The following ZMYND8 variants were observed in gnomAD, a reference collection of about 807,000 sequenced individuals.
ZMYND8 encodes the protein zinc finger MYND-type containing 8, also known as MYND-type zinc finger-containing chromatin reader ZMYND8.
A neutral mutation model predicts 140.8 loss-of-function variants in ZMYND8; 37 were observed. The observed-to-expected ratio is 0.26, with a 90% CI of 0.20 to 0.35. The LOEUF (loss-of-function observed/expected upper bound fraction) is 0.35, where lower values mean the gene tolerates loss of function less well. ZMYND8 is among the 10% of genes least tolerant of loss of function. ZMYND8 has a pLI of 1.00. For synonymous variants in ZMYND8, 592 were observed against 597.1 expected (o/e 0.99, Z 0.12); for missense variants, 1,068 against 1,570.0 (o/e 0.68, Z 5.40).
At chr20:47,297,481 G>A (rs749503086) in intron 4 of ZMYND8, among the ~76,000 whole-genome samples, 5 of 151,860 alleles carry the variant, frequency 3.3e-5, no homozygotes, top group African/African-American at 4.8e-5. Flanking sequence ...GAATACAGTG[G>A]CATGATTACA....
intron 2 of ZMYND8, among the ~76,000 whole-genome samples, chr20:47,310,891 G>C (rs1057082972): frequency 2.0e-5 from 3 of 150,876 alleles, no homozygotes; most frequent in Non-Finnish European, 4.4e-5. Context: ...ATGTGCAATC[G>C]CCACTCTTCC....
chr20:47,347,712 C>T (rs2148597438), intron 2 of ZMYND8, 144 bp downstream of exon 2: 1 of 783,634 alleles, frequency 1.3e-6, no homozygotes, highest in Non-Finnish European at 2.1e-6. Context: ...TAGGTTCATC[C>T]ATCAAAAAAT....
intron 12 of ZMYND8, among the ~76,000 whole-genome samples, chr20:47,251,833 C>CT (rs1481661178): frequency 6.6e-6 from 1 of 151,854 alleles, no homozygotes; most frequent in African/African-American, 2.4e-5. Flanking sequence ...CTCTGCCCCG[C>CT]CCCGCACCAT....
intron 2 of ZMYND8, 77 bp downstream of exon 2, chr20:47,347,779 C>A (rs577263260): frequency 6.9e-7 from 1 of 1,449,916 alleles, no homozygotes; most frequent in Non-Finnish European, 9.6e-7. Context: ...CCACACACTT[C>A]ACTGCACTAC....
intron 2 of ZMYND8, chr20:47,320,265 TG>T (rs2079821524): frequency 6.6e-6 from 1 of 152,244 alleles, no homozygotes; most frequent in African/African-American, 2.4e-5. Flanking sequence ...CCATCTGCCC[TG>T]GATGGTATCT....
intron 19 of ZMYND8, among the ~76,000 whole-genome samples, chr20:47,223,717 T>C (rs2037314528): frequency 6.7e-6 from 1 of 150,024 alleles, no homozygotes; most frequent in African/African-American, 2.5e-5. Flanking sequence ...TCCCAGCTAC[T>C]CGGGAGGCTG....
At chr20:47,223,337 C>G (rs2037251539) in intron 19 of ZMYND8, among the ~76,000 whole-genome samples, 1 of 151,762 alleles carries the variant, frequency 6.6e-6, no homozygotes, top group Non-Finnish European at 1.5e-5. Flanking sequence ...GAAACCCTGT[C>G]TCTACTAATA....
At chr20:47,287,869 T>C (rs1601615039) in intron 7 of ZMYND8, among the ~76,000 whole-genome samples, 1 of 114,564 alleles carries the variant, frequency 8.7e-6, no homozygotes, top group African/African-American at 3.7e-5. Context: ...CGCACACACA[T>C]ACACATTTTC....
chr20:47,305,801 A>G (rs894216123), intron 3 of ZMYND8, among the ~76,000 whole-genome samples: 32 of 152,190 alleles, frequency 2.1e-4, no homozygotes, highest in African/African-American at 7.7e-4. Flanking sequence ...AGGGAAAAAA[A>G]CCAAAACACC....
intron 2 of ZMYND8, among the ~76,000 whole-genome samples, chr20:47,334,890 G>A (rs997925796): frequency 3.3e-5 from 5 of 151,860 alleles, no homozygotes; most frequent in South Asian, 2.1e-4. Flanking sequence ...GATTACAGGC[G>A]TCAGCCACCA....
intron 3 of ZMYND8, 138 bp from the exon 4 acceptor site, chr20:47,299,085 G>A: frequency 1.3e-6 from 1 of 764,888 alleles, no homozygotes. Context: ...ACTATCTTAG[G>A]TTACTCTACT....
chr20:47,259,194 A>G (rs560452178), intron 12 of ZMYND8, among the ~76,000 whole-genome samples: 46 of 152,276 alleles, frequency 3.0e-4, no homozygotes, highest in African/African-American at 1.1e-3. Flanking sequence ...TCCAAACAGC[A>G]TTTCTTTTCA....
At chr20:47,229,194 G>C (rs1237867345) in intron 17 of ZMYND8, among the ~76,000 whole-genome samples, 1 of 151,166 alleles carries the variant, frequency 6.6e-6, no homozygotes, top group Non-Finnish European at 1.5e-5. Context: ...ATGTTGTGCA[G>C]GCTGGTCTCA....
intron 8 of ZMYND8, among the ~76,000 whole-genome samples, chr20:47,286,854 G>A (rs1309168889): frequency 6.6e-6 from 1 of 152,154 alleles, no homozygotes; most frequent in Non-Finnish European, 1.5e-5. Flanking sequence ...CATGCCCCCA[G>A]ATATCAAATC....
intron 19 of ZMYND8, 139 bp from the exon 20 acceptor site, chr20:47,221,613 GC>G: frequency 1.9e-6 from 2 of 1,031,390 alleles, no homozygotes; most frequent in Non-Finnish European, 2.7e-6. Context: ...GCTCAAGGGG[GC>G]CAGATTGCCA....
chr20:47,248,576 G>A (rs902077006), intron 13 of ZMYND8, among the ~76,000 whole-genome samples: 1 of 152,210 alleles, frequency 6.6e-6, no homozygotes, highest in Non-Finnish European at 1.5e-5. Flanking sequence ...ACATTCCAGA[G>A]CATCTACCAT....
At chr20:47,221,190 G>A (rs2036885291) in intron 20 of ZMYND8, 124 bp downstream of exon 20, 1 of 1,330,258 alleles carries the variant, frequency 7.5e-7, no homozygotes. Flanking sequence ...CACTGGAAAT[G>A]CCGGCACACT....
At position 47,209,990 on chromosome 20, in the gene ZMYND8, G is replaced by C. The variant is rs1324642874; in HGVS notation, c.*771C>G. Reference sequence around the variant, plus strand: ...TTTTTTTCAGAGTTCATGATCCTAAGACTTTCTGTGTTCTCTCCTGTGACT... The same window carrying C: ...TTTTTTTCAGAGTTCATGATCCTAACACTTTCTGTGTTCTCTCCTGTGACT... On this transcript the variant is annotated 3_prime_UTR_variant, in exon 23 of 23. Coordinates refer to ENST00000471951, the MANE Select transcript of ZMYND8 (RefSeq NM_001281775.3). 3 of 152,570 alleles carry C rather than the reference G, an allele frequency of 2.0e-5. No individual in the cohort carries two copies. Among genetic ancestry groups the C allele is most frequent in the Non-Finnish European group, 4.4e-5 (3 of 68,038 alleles). 9.5% of individuals were successfully genotyped at this position (152,570 alleles called of 1,614,324 possible).
At chr20:47,311,260 G>A (rs898479602) in intron 2 of ZMYND8, among the ~76,000 whole-genome samples, 3 of 152,062 alleles carry the variant, frequency 2.0e-5, no homozygotes, top group Non-Finnish European at 4.4e-5. Flanking sequence ...ATTCTCACCA[G>A]CCCCACTCTT....
Sources: gnomAD v4.1 joint callset for allele counts (sites outside exome capture counted in the v4.1 genomes callset) on GRCh38, gnomAD v4.1.1 for gene constraint, MANE v1.5 for transcripts, NCBI Gene and HGNC (gene_info 2026-07-23, HGNC 2026-07-21) for gene names.